The following NALCN variants were observed in gnomAD, a reference collection of about 807,000 sequenced individuals.
NALCN encodes the protein sodium leak channel, non-selective, also known as sodium leak channel NALCN.
In NALCN, 111 loss-of-function variants were observed where a neutral mutation model predicts 225.3. That is an observed-to-expected ratio of 0.49 (90% CI 0.42 to 0.58). NALCN has a LOEUF of 0.58. NALCN is among the 20% of genes least tolerant of loss of function. The pLI is 0.00. For synonymous variants in NALCN, 764 were observed against 769.0 expected, an observed-to-expected ratio of 0.99 and a Z score of 0.11; for missense variants, 1,378 against 2,202.4, an observed-to-expected ratio of 0.63 and a Z score of 7.49.
chr13:101,058,801 G>A (rs537341798), intron 42 of NALCN: 3 of 152,242 alleles, frequency 2.0e-5, no homozygotes, highest in Non-Finnish European at 4.4e-5. Context: ...TCTCCCATGC[G>A]AGACATTGCC....
intron 7 of NALCN, among the ~76,000 whole-genome samples, chr13:101,296,633 T>C (rs546002833): frequency 6.6e-6 from 1 of 152,348 alleles, no homozygotes; most frequent in East Asian, 1.9e-4. Flanking sequence ...CATATTTTTG[T>C]TAAATGAAAA....
At chr13:101,249,863 T>C (rs2042010967) in intron 11 of NALCN, among the ~76,000 whole-genome samples, 1 of 152,034 alleles carries the variant, frequency 6.6e-6, no homozygotes, top group South Asian at 2.1e-4. Context: ...ACTGCCTCTA[T>C]TCAACATTTT....
At chr13:101,144,357 G>C (rs2037237873) in intron 16 of NALCN, among the ~76,000 whole-genome samples, 1 of 152,156 alleles carries the variant, frequency 6.6e-6, no homozygotes, top group Non-Finnish European at 1.5e-5. Context: ...TGGTTTCCCT[G>C]TTTGCTTGAA....
intron 18 of NALCN, among the ~76,000 whole-genome samples, chr13:101,112,406 T>C (rs2139652221): frequency 6.6e-6 from 1 of 152,314 alleles, no homozygotes; most frequent in East Asian, 1.9e-4. Flanking sequence ...GTGGTGTGAA[T>C]GATTTTGGTG....
intron 7 of NALCN, among the ~76,000 whole-genome samples, chr13:101,332,390 A>G: frequency 7.1e-6 from 1 of 140,942 alleles, no homozygotes; most frequent in Non-Finnish European, 1.5e-5. Context: ...ACCCAAATTC[A>G]CAAAGCCAAA....
intron 3 of NALCN, among the ~76,000 whole-genome samples, chr13:101,393,709 A>C (rs2047207672): frequency 6.6e-6 from 1 of 152,208 alleles, no homozygotes; most frequent in Admixed American, 6.5e-5. Flanking sequence ...TGGGAGGCTG[A>C]GGCAGGAGAA....
At chr13:101,410,531 T>C (rs1403669752) in intron 1 of NALCN, among the ~76,000 whole-genome samples, 1 of 152,268 alleles carries the variant, frequency 6.6e-6, no homozygotes, top group Non-Finnish European at 1.5e-5. Context: ...ACTTGCATTG[T>C]ATACAGGAAT....
At chr13:101,286,864 TAC>T (rs71121180) in intron 9 of NALCN, among the ~76,000 whole-genome samples, 15,104 of 146,768 alleles carry the variant, frequency 0.1, 982 homozygotes, top group African/African-American at 0.18. Context: ...CCAGGTATTA[TAC>T]ACACACACAC....
At chr13:101,208,139 C>T (rs2040390387) in intron 13 of NALCN, among the ~76,000 whole-genome samples, 1 of 152,214 alleles carries the variant, frequency 6.6e-6, no homozygotes, top group South Asian at 2.1e-4. Context: ...CTGTAACACT[C>T]ACCACGAAGG....
chr13:101,176,383 T>C lies in NALCN; in HGVS notation c.1765-9A>G, dbSNP rs1404314115. 3 of 1,585,676 alleles carry C rather than the reference T, an allele frequency of 1.9e-6. No homozygotes were observed. Among genetic ancestry groups the C allele is most frequent in the African/African-American group, 1.4e-5 (1 of 73,394 alleles). ...AACAAACTCAGGAGGATCTATAAAA[T>C]GGTGAAATAACAATGAAAAAACCCA... On this transcript the variant is annotated splice_polypyrimidine_tract_variant and intron_variant, in intron 14 of 43. Coordinates refer to ENST00000251127, the MANE Select transcript of NALCN (RefSeq NM_052867.4).
chr13:101,268,482 G>A (rs529002446), intron 10 of NALCN, among the ~76,000 whole-genome samples: 1 of 152,250 alleles, frequency 6.6e-6, no homozygotes, highest in Non-Finnish European at 1.5e-5. Flanking sequence ...GGGAAGGGGA[G>A]ACTATTTTCT....
In NALCN at chr13:101,059,857, G is replaced by A; in HGVS notation, c.4866C>T (p.Asp1622=). ...PSIETTQPSE[D]TNANSQDNSM... The stretch of plus-strand genomic sequence containing the variant: ...TGTTGTCCTGACTGTTGGCATTCGT[G>A]TCCTCACTGGGCTGGGTGGTCTCGA... Residue 1622 remains aspartate (D), a synonymous_variant, in exon 42 of 44, where the codon GAC becomes GAT. Transcript: ENST00000251127. 2 of 1,614,052 alleles carry A rather than the reference G, an allele frequency of 1.2e-6. No individual in the cohort carries two copies. Among genetic ancestry groups the A allele is most frequent in the Non-Finnish European group, 1.7e-6 (2 of 1,180,012 alleles).
At chr13:101,182,133 C>CA (rs34387567) in intron 14 of NALCN, among the ~76,000 whole-genome samples, 41,776 of 73,452 alleles carry the variant, frequency 0.57, 12,767 homozygotes, top group East Asian at 0.75. Context: ...GACTCCATCT[C>CA]AAAAAAAAAA....
intron 3 of NALCN, among the ~76,000 whole-genome samples, chr13:101,393,627 G>A (rs1043400227): frequency 6.6e-6 from 1 of 152,178 alleles, no homozygotes; most frequent in Non-Finnish European, 1.5e-5. Flanking sequence ...GACCAACATG[G>A]AGAAGCCCCA....
chr13:101,193,406 A>C (rs2039761407), intron 13 of NALCN, among the ~76,000 whole-genome samples: 1 of 152,174 alleles, frequency 6.6e-6, no homozygotes, highest in South Asian at 2.1e-4. Flanking sequence ...TACACTGTTC[A>C]AGGCCCAGAA....
chr13:101,416,183 G>A (rs1173344838), intron 1 of NALCN, 130 bp downstream of exon 1: 3 of 149,032 alleles, frequency 2.0e-5, no homozygotes, highest in Non-Finnish European at 4.5e-5. Context: ...CCCTCTCGCA[G>A]CCCCAGCGCC....
At chr13:101,071,330 G>C (rs1004557925) in intron 37 of NALCN, among the ~76,000 whole-genome samples, 3 of 152,216 alleles carry the variant, frequency 2.0e-5, no homozygotes, top group Non-Finnish European at 4.4e-5. Flanking sequence ...GAAAGTTCTA[G>C]AGGGCATCTT....
intron 3 of NALCN, among the ~76,000 whole-genome samples, chr13:101,387,215 G>A (rs1487841543): frequency 8.5e-6 from 1 of 118,314 alleles, no homozygotes; most frequent in East Asian, 2.4e-4. Flanking sequence ...GCGACAGAGC[G>A]AGACTCCGTC....
intron 15 of NALCN, among the ~76,000 whole-genome samples, chr13:101,157,488 C>G (rs1171891451): frequency 2.0e-5 from 3 of 152,156 alleles, no homozygotes; most frequent in Non-Finnish European, 1.5e-5. Flanking sequence ...CCCTACCTCT[C>G]ACTGAGTAAT....
Sources: gnomAD v4.1 joint callset for allele counts (sites outside exome capture counted in the v4.1 genomes callset) on GRCh38, gnomAD v4.1.1 for gene constraint, MANE v1.5 for transcripts, NCBI Gene and HGNC (gene_info 2026-07-23, HGNC 2026-07-21) for gene names.